PSMD8: variants seen among roughly 807,000 people sequenced by gnomAD.
PSMD8 encodes the protein proteasome 26S subunit, non-ATPase 8.
Under a neutral mutation model 40.0 loss-of-function variants are expected in PSMD8, and 30 were observed. The observed-to-expected ratio is 0.75, with a 90% CI of 0.56 to 1.02. PSMD8 has a LOEUF of 1.02. Among genes scored for constraint, PSMD8 ranks in the 50% least tolerant of loss-of-function variants. The pLI is 0.00. For synonymous variants in PSMD8, 208 were observed against 192.5 expected, an observed-to-expected ratio of 1.08 and a Z score of -0.67; for missense variants, 461 against 463.9, an observed-to-expected ratio of 0.99 and a Z score of 0.06.
intron 3 of PSMD8, among the ~76,000 whole-genome samples, chr19:38,377,055 A>C (rs936820575): frequency 6.6e-6 from 1 of 152,264 alleles, no homozygotes; most frequent in Admixed American, 6.5e-5. Context: ...TGATACCTGC[A>C]CAGATTAATG....
At chr19:38,377,399 C>A (rs1970606573) in intron 3 of PSMD8, among the ~76,000 whole-genome samples, 1 of 152,096 alleles carries the variant, frequency 6.6e-6, no homozygotes, top group Admixed American at 6.6e-5. Flanking sequence ...GCTTTGTTGC[C>A]CAGGCTGGTC....
At chr19:38,375,048 G>A in intron 1 of PSMD8, 87 bp downstream of exon 1, 1 of 1,506,860 alleles carries the variant, frequency 6.6e-7, no homozygotes, top group Non-Finnish European at 8.8e-7. Context: ...CCGGGCCGCG[G>A]AAGCCACCTC....
At chr19:38,376,519 T>C in intron 3 of PSMD8, 65 bp downstream of exon 3, 3 of 1,370,060 alleles carry the variant, frequency 2.2e-6, no homozygotes, top group Non-Finnish European at 3.1e-6. Context: ...TTTCTGGAGC[T>C]CTGGCTGCTT....
chr19:38,378,735 C>T (rs1461772537), intron 3 of PSMD8, among the ~76,000 whole-genome samples: 3 of 151,424 alleles, frequency 2.0e-5, no homozygotes, highest in Non-Finnish European at 4.4e-5. Context: ...GGGTGGATCA[C>T]GAGATCAGGA....
chr19:38,374,951 G>A lies in PSMD8; in HGVS notation c.350G>A (p.Gly117Asp). The A allele has an allele frequency of 6.4e-7, 1 of 1,564,938 alleles. No homozygotes were observed. Among genetic ancestry groups the A allele is most frequent in the Non-Finnish European group, 8.6e-7 (1 of 1,163,934 alleles). Residue 117 changes from glycine to aspartate, a missense_variant, in exon 1 of 7, where the codon GGT becomes GAT. Gly to Asp is a moderately conservative substitution (Grantham distance 94). Transcript: ENST00000215071. The stretch of plus-strand genomic sequence containing the variant: ...CTTAGCAAGTGCGGGGAAGAGCTGG[G>A]TCGACTCAAGGTAAAGTCGGCAGGC... ...PNLSKCGEEL[G>D]RLKLVLLELN...
intron 3 of PSMD8, among the ~76,000 whole-genome samples, chr19:38,377,123 A>G (rs543244247): frequency 6.6e-6 from 1 of 152,368 alleles, no homozygotes; most frequent in African/African-American, 2.4e-5. Flanking sequence ...CTTCCTGATT[A>G]TGAGGTCTTG....
At chr19:38,375,760 A>G (rs1005793568) in intron 1 of PSMD8, among the ~76,000 whole-genome samples, 2 of 152,142 alleles carry the variant, frequency 1.3e-5, no homozygotes, top group Admixed American at 6.5e-5. Context: ...GGAAAGATGT[A>G]TGGGCTGAAC....
chr19:38,374,737 G>A lies in PSMD8; in HGVS notation c.136G>A (p.Val46Ile). The change falls in exon 1 of 7, where the codon GTT (valine) becomes ATT (isoleucine). Residue 46 changes from valine (V) to isoleucine (I), a missense_variant. Val to Ile is a conservative substitution (Grantham distance 29). This residue lies in a region of PSMD8 where 225 missense variants were observed against 142.7 expected (regional missense o/e 1.58). Coordinates refer to ENST00000215071, the MANE Select transcript of PSMD8 (RefSeq NM_002812.5). ...TCGGCCCCACTTCCGCCGGGCAAGC[G>A]TTTGTAGGCGGCGCTGCCGTAAATC... is the stretch of plus-strand genomic sequence containing the variant. ...TSRPHFRRAS[V>I]CRRRCRKSGG... The A allele has an allele frequency of 6.4e-7, 1 of 1,552,616 alleles. No individual in the cohort carries two copies. The highest frequency in any genetic ancestry group is 8.7e-7 in the Non-Finnish European group (1 of 1,152,430).
intron 4 of PSMD8, among the ~76,000 whole-genome samples, 184 bp from the exon 5 acceptor site, chr19:38,380,715 T>C (rs888311438): frequency 8.1e-6 from 1 of 123,228 alleles, no homozygotes; most frequent in African/African-American, 2.9e-5. Flanking sequence ...AGAGTGTGTG[T>C]GTGTGTGTGT....
Position 38,376,171 on chromosome 19 carries a change from G to A in PSMD8, c.372G>A (p.Leu124=), listed in dbSNP as rs148287182. Reference sequence around the variant, plus strand: ...CCCCTCCCCATCAGCTAGTTCTTCTGGAGCTCAACTTCTTGCCAACCACAG... The same window carrying A: ...CCCCTCCCCATCAGCTAGTTCTTCTAGAGCTCAACTTCTTGCCAACCACAG... ...EELGRLKLVL[L]ELNFLPTTGT... The change falls in exon 2 of 7, where the codon CTG becomes CTA. Residue 124 remains leucine (L), a synonymous_variant. Transcript: ENST00000215071. 410 of 1,602,218 alleles carry A rather than the reference G, an allele frequency of 2.6e-4. 1 individual carries two copies. Among genetic ancestry groups the A allele is most frequent in the Non-Finnish European group, 5.4e-5 (63 of 1,171,644 alleles).
rs114278087 is a variant in PSMD8, at chr19:38,381,708, A to G, written c.804-409A>G. ...CTACAGTGACTTCATGCCTTGCTCT[A>G]TTTCTACTTCGGTGTTGTTCGTGGT... On this transcript the variant is annotated intron_variant, in intron 5 of 6. Coordinates refer to ENST00000215071, the MANE Select transcript of PSMD8 (RefSeq NM_002812.5). Among the ~76,000 whole-genome samples the G allele has an allele frequency of 7.0e-3, 1,068 of 152,192 alleles. 18 individuals are homozygous for G. The highest frequency in any genetic ancestry group is 0.025 in the African/African-American group (1,022 of 41,532).
chr19:38,377,223 G>A (rs550080283), intron 3 of PSMD8, among the ~76,000 whole-genome samples: 52 of 152,244 alleles, frequency 3.4e-4, no homozygotes, highest in African/African-American at 1.2e-3. Context: ...GGGTCTTGCT[G>A]TGTTGCCCAG....
At position 38,376,349 on chromosome 19, in the gene PSMD8, C is replaced by T. The variant is rs571518326; in HGVS notation, c.434-3C>T. On this transcript the variant is annotated splice_region_variant and splice_polypyrimidine_tract_variant and intron_variant, in intron 2 of 6. Coordinates refer to ENST00000215071, the MANE Select transcript of PSMD8 (RefSeq NM_002812.5). Reference sequence around the variant, plus strand: ...TCCTGAGAGCTCACTCTGTCACCCACAGGTGACATACTGGAGATCGGGGCC... The same window carrying T: ...TCCTGAGAGCTCACTCTGTCACCCATAGGTGACATACTGGAGATCGGGGCC... 4.7e-5 allele frequency: 72 copies of T among 1,547,206 alleles called. No homozygotes were observed. The South Asian group carries it at 7.7e-4, about 17-fold the overall frequency.
Position 38,379,395 on chromosome 19 carries a change from C to A in PSMD8, c.692C>A (p.Ser231Tyr). The A allele has an allele frequency of 6.2e-7, 1 of 1,613,948 alleles. No homozygotes were observed. The change falls in exon 4 of 7, where the codon TCC becomes TAC. Residue 231 changes from serine to tyrosine, a missense_variant. Physicochemically the swap from Ser to Tyr is moderately radical, Grantham distance 144 (BLOSUM62 -2). This residue lies in a region of PSMD8 where 236 missense variants were observed against 321.2 expected (regional missense o/e 0.73). Coordinates refer to ENST00000215071, the MANE Select transcript of PSMD8 (RefSeq NM_002812.5). ...AATGTCTACATCAAGCACCCAGTGT[C>A]CCTGGAGCAAGTGAGATGGCAAGGG... is the stretch of plus-strand genomic sequence containing the variant. Reference protein sequence around the residue: ...QTNVYIKHPVSLEQYLMEGSY... With the variant: ...QTNVYIKHPVYLEQYLMEGSY...
rs1381686420 is a variant in PSMD8, at chr19:38,376,390, C to G, written c.472C>G (p.Arg158Gly). 1.4e-5 allele frequency: 21 copies of G among 1,552,534 alleles called. No homozygotes were observed. The highest frequency in any genetic ancestry group is 1.8e-5 in the Non-Finnish European group (21 of 1,147,468). ...LEIGAQWSIL[R>G]KDIPSFERYM... ...GATCGGGGCCCAATGGAGCATCCTA[C>G]GCAAGGACATCCCCTCCTTCGAGCG... is the stretch of plus-strand genomic sequence containing the variant. The change falls in exon 3 of 7, where the codon CGC becomes GGC. Residue 158 changes from arginine (R) to glycine (G), a missense_variant. Coordinates refer to ENST00000215071, the MANE Select transcript of PSMD8 (RefSeq NM_002812.5).
chr19:38,376,065 A>C, intron 1 of PSMD8, 95 bp from the exon 2 acceptor site: 10 of 1,283,380 alleles, frequency 7.8e-6, no homozygotes, highest in Non-Finnish European at 1.1e-5. Flanking sequence ...GGTTAGCTCC[A>C]TTTTCCAAGT....
chr19:38,377,681 G>A (rs1390439978), intron 3 of PSMD8, among the ~76,000 whole-genome samples: 2 of 152,124 alleles, frequency 1.3e-5, no homozygotes, highest in South Asian at 4.1e-4. Context: ...CCAGGCTAGA[G>A]TGCAACGGCT....
chr19:38,381,918 A>T (rs73044905), intron 5 of PSMD8, among the ~76,000 whole-genome samples, 199 bp from the exon 6 acceptor site: 3,817 of 152,154 alleles, frequency 0.025, 61 homozygotes, highest in South Asian at 0.045. Context: ...AGTGGGGATC[A>T]CCCGTGGCCC....
At chr19:38,377,187 C>A (rs1034567173) in intron 3 of PSMD8, among the ~76,000 whole-genome samples, 2 of 152,118 alleles carry the variant, frequency 1.3e-5, no homozygotes, top group Non-Finnish European at 2.9e-5. Context: ...AGTGGTGATT[C>A]TTTTATTTAT....
Sources: gnomAD v4.1 joint callset for allele counts (sites outside exome capture counted in the v4.1 genomes callset) on GRCh38, gnomAD v4.1.1 for gene constraint, gnomAD v4.1.1 regional missense constraint, MANE v1.5 for transcripts, NCBI Gene and HGNC (gene_info 2026-07-23, HGNC 2026-07-21) for gene names.